Variants in TRUB1 observed in about 807,000 individuals in gnomAD.
TRUB1 encodes the protein pseudouridylate synthase TRUB1.
Under a neutral mutation model 33.9 loss-of-function variants are expected in TRUB1, and 23 were observed. The ratio of observed to expected loss-of-function variants is 0.68; its 90% CI spans 0.49 to 0.96. The LOEUF is 0.96. Among genes scored for constraint, TRUB1 ranks in the 40% least tolerant of loss-of-function variants. TRUB1 has a pLI of 0.00. For synonymous variants in TRUB1, 163 were observed against 165.4 expected (o/e 0.99, Z 0.11); for missense variants, 378 against 422.2 (o/e 0.90, Z 0.92).
chr10:114,945,955 T>C (rs943016368), intron 2 of TRUB1, among the ~76,000 whole-genome samples: 1 of 152,246 alleles, frequency 6.6e-6, no homozygotes, highest in African/African-American at 2.4e-5. Flanking sequence ...GTCAGATGTA[T>C]TAATTTTTCT....
At chr10:114,971,059 G>A (rs760176264) in intron 5 of TRUB1, among the ~76,000 whole-genome samples, 3 of 152,138 alleles carry the variant, frequency 2.0e-5, no homozygotes, top group Non-Finnish European at 4.4e-5. Flanking sequence ...ACAGTGCAGT[G>A]GGCTCAGCGT....
At chr10:114,966,105 G>A (rs2084306538) in intron 4 of TRUB1, among the ~76,000 whole-genome samples, 1 of 151,960 alleles carries the variant, frequency 6.6e-6, no homozygotes, top group African/African-American at 2.4e-5. Flanking sequence ...TAGCTATAAT[G>A]AAAACAGTGA....
intron 3 of TRUB1, among the ~76,000 whole-genome samples, chr10:114,958,881 G>A (rs1592051645): frequency 1.3e-5 from 2 of 152,324 alleles, no homozygotes; most frequent in South Asian, 2.1e-4. Flanking sequence ...TGTAATCCTA[G>A]CACTTTGGCT....
At chr10:114,973,886 T>A (rs1260987054) in intron 6 of TRUB1, among the ~76,000 whole-genome samples, 1 of 152,174 alleles carries the variant, frequency 6.6e-6, no homozygotes, top group Admixed American at 6.6e-5. Flanking sequence ...TTTTTTTGAA[T>A]GTACAAGTCA....
At chr10:114,962,969 T>A (rs1341484587) in intron 4 of TRUB1, among the ~76,000 whole-genome samples, 1 of 152,192 alleles carries the variant, frequency 6.6e-6, no homozygotes, top group Non-Finnish European at 1.5e-5. Context: ...CATCTAGGTA[T>A]TAAGTGTCTG....
chr10:114,954,677 G>A (rs1333198211), intron 3 of TRUB1, among the ~76,000 whole-genome samples: 1 of 151,706 alleles, frequency 6.6e-6, no homozygotes, highest in East Asian at 1.9e-4. Flanking sequence ...TGATCATTTA[G>A]GATTATGTGT....
chr10:114,938,984 G>A (rs2084172814), intron 1 of TRUB1, among the ~76,000 whole-genome samples: 1 of 152,134 alleles, frequency 6.6e-6, no homozygotes, highest in Non-Finnish European at 1.5e-5. Flanking sequence ...ATTTTAATGG[G>A]CCTAACAATT....
chr10:114,976,898 G>T lies in TRUB1; in HGVS notation c.*1519G>T, dbSNP rs1286113430. 6.6e-6 allele frequency: 1 copy of T among 152,126 alleles called. No individual in the cohort carries two copies. The highest frequency in any genetic ancestry group is 1.5e-5 in the Non-Finnish European group (1 of 68,026). The allele number at this position is 152,126 out of a possible 1,614,324, so 9.4% of individuals were successfully genotyped here. On this transcript the variant is annotated 3_prime_UTR_variant, in exon 8 of 8. Coordinates refer to ENST00000298746, the MANE Select transcript of TRUB1 (RefSeq NM_139169.5). ...AAAATGAAAATTTACAGTTTTACCT[G>T]TTCATATCTAGTGCCCCACAGTGTG...
intron 3 of TRUB1, among the ~76,000 whole-genome samples, chr10:114,953,462 T>C (rs1039955381): frequency 2.0e-5 from 3 of 152,228 alleles, no homozygotes; most frequent in Non-Finnish European, 2.9e-5. Flanking sequence ...AGTTAAAAAC[T>C]GTTAATAAAT....
intron 3 of TRUB1, among the ~76,000 whole-genome samples, chr10:114,951,712 T>A (rs1215804933): frequency 6.6e-6 from 1 of 152,156 alleles, no homozygotes; most frequent in Non-Finnish European, 1.5e-5. Context: ...TGTGAACTGC[T>A]GGTAGAAGGG....
intron 3 of TRUB1, among the ~76,000 whole-genome samples, chr10:114,954,728 C>T (rs1478882890): frequency 2.0e-5 from 3 of 151,910 alleles, no homozygotes; most frequent in Non-Finnish European, 4.4e-5. Flanking sequence ...TGTACAGTGC[C>T]TTGTGTATGG....
chr10:114,943,074 C>A (rs1016276017), intron 2 of TRUB1, among the ~76,000 whole-genome samples: 4 of 152,200 alleles, frequency 2.6e-5, no homozygotes, highest in African/African-American at 9.6e-5. Flanking sequence ...TATCTGGGAA[C>A]TTGGATTTTG....
rs1237286740 is a variant in TRUB1, at chr10:114,942,716, C to G, written c.358C>G (p.Leu120Val). Residue 120 changes from leucine (L) to valine (V), a missense_variant, in exon 2 of 8, where the codon CTA becomes GTA. By Grantham distance (32) the Leu-to-Val change is conservative. Coordinates refer to ENST00000298746, the MANE Select transcript of TRUB1 (RefSeq NM_139169.5). ...QTLKIGHGGT[L>V]DSAARGVLVV... is the part of the protein sequence containing the mutation. ...TTTGAAAATTGGGCATGGAGGGACT[C>G]TAGACAGCGCAGCCCGAGGAGTTCT... The G allele has an allele frequency of 3.1e-6, 5 of 1,613,706 alleles. No individual in the cohort carries two copies. The highest frequency in any genetic ancestry group is 3.4e-6 in the Non-Finnish European group (4 of 1,179,788).
At chr10:114,943,466 T>G (rs940833163) in intron 2 of TRUB1, among the ~76,000 whole-genome samples, 52 of 151,912 alleles carry the variant, frequency 3.4e-4, no homozygotes, top group Admixed American at 8.5e-4. Flanking sequence ...GGAGGCAGAG[T>G]GTTCAGTGAG....
chr10:114,938,596 A>T (rs959083304), intron 1 of TRUB1, 57 bp downstream of exon 1: 3 of 1,470,096 alleles, frequency 2.0e-6, no homozygotes, highest in Admixed American at 5.4e-5. Context: ...GGGGAAGCAC[A>T]TTAGGCTTTT....
At chr10:114,949,580 T>A (rs1347002473) in intron 2 of TRUB1, among the ~76,000 whole-genome samples, 1 of 152,150 alleles carries the variant, frequency 6.6e-6, no homozygotes, top group Admixed American at 6.5e-5. Flanking sequence ...GGGACCCTAC[T>A]AAGGATTGTT....
At chr10:114,940,259 T>A (rs989292454) in intron 1 of TRUB1, among the ~76,000 whole-genome samples, 3 of 152,122 alleles carry the variant, frequency 2.0e-5, no homozygotes, top group South Asian at 2.1e-4. Flanking sequence ...GTAGCTGGGA[T>A]TACAGGCATG....
chr10:114,974,385 G>A lies in TRUB1; in HGVS notation c.793G>A (p.Glu265Lys), dbSNP rs778703266. 19 of 1,609,936 alleles carry A rather than the reference G, an allele frequency of 1.2e-5. No homozygotes were observed. The highest frequency in any genetic ancestry group is 6.7e-5 in the Admixed American group (4 of 59,828). The change falls in exon 7 of 8, where the codon GAA becomes AAA. Residue 265 changes from glutamate to lysine, a missense_variant and splice_region_variant. By Grantham distance (56) the Glu-to-Lys change is moderately conservative. Coordinates refer to ENST00000298746, the MANE Select transcript of TRUB1 (RefSeq NM_139169.5). ...AAGCTTGGTCAGTGACATTGGAAAA[G>A]GTAAGCATAAAAATGAATTATGAAT... The part of the protein sequence containing the change: ...IRSLVSDIGK[E>K]LSSCANVLEL...
chr10:114,960,266 G>A (rs1048933674), intron 4 of TRUB1, among the ~76,000 whole-genome samples: 1 of 152,136 alleles, frequency 6.6e-6, no homozygotes, highest in African/African-American at 2.4e-5. Context: ...AGAGGACAGA[G>A]GGCAAGCTAT....
Sources: gnomAD v4.1 joint callset for allele counts (sites outside exome capture counted in the v4.1 genomes callset) on GRCh38, gnomAD v4.1.1 for gene constraint, MANE v1.5 for transcripts, NCBI Gene and HGNC (gene_info 2026-07-23, HGNC 2026-07-21) for gene names.